Variants in TNKS observed in about 807,000 individuals in gnomAD.
The protein encoded by TNKS is tankyrase, also known as poly [ADP-ribose] polymerase tankyrase-1.
Under a neutral mutation model 135.8 loss-of-function variants are expected in TNKS, and 72 were observed. The observed-to-expected ratio is 0.53, with a 90% CI of 0.44 to 0.64. The LOEUF is 0.64. Among genes scored for constraint, TNKS ranks in the 30% least tolerant of loss-of-function variants. The pLI is 0.00. For synonymous variants in TNKS, 849 were observed against 649.3 expected (o/e 1.31, Z -4.68); for missense variants, 1,769 against 1,674.0 (o/e 1.06, Z -0.99).
At chr8:9,607,953 G>C (rs767895492) in intron 2 of TNKS, among the ~76,000 whole-genome samples, 1 of 151,852 alleles carries the variant, frequency 6.6e-6, no homozygotes, top group African/African-American at 2.4e-5. Flanking sequence ...TGTTATTTTA[G>C]TTTTAAGACA....
intron 24 of TNKS, 149 bp downstream of exon 24, chr8:9,765,946 C>G: frequency 1.5e-6 from 1 of 666,730 alleles, no homozygotes; most frequent in Non-Finnish European, 2.5e-6. Context: ...TTCTTGGTAC[C>G]AGCTTTCTAA....
intron 3 of TNKS, among the ~76,000 whole-genome samples, chr8:9,662,740 T>TAATA (rs1554463747): frequency 6.6e-6 from 1 of 152,108 alleles, no homozygotes; most frequent in Non-Finnish European, 1.5e-5. Context: ...AAACCTAAAG[T>TAATA]ATAATAATAA....
intron 8 of TNKS, among the ~76,000 whole-genome samples, chr8:9,707,897 T>C (rs1180081347): frequency 6.6e-6 from 1 of 152,214 alleles, no homozygotes; most frequent in African/African-American, 2.4e-5. Context: ...GGTGTACTTA[T>C]GGTGGCAATA....
At chr8:9,746,791 A>ATT (rs1442424892) in intron 17 of TNKS, among the ~76,000 whole-genome samples, 1 of 151,382 alleles carries the variant, frequency 6.6e-6, no homozygotes, top group East Asian at 1.9e-4. Flanking sequence ...TTTCTGACAA[A>ATT]CGATCTGCAC....
At chr8:9,758,823 A>G (rs746672544) in intron 20 of TNKS, among the ~76,000 whole-genome samples, 9 of 152,238 alleles carry the variant, frequency 5.9e-5, no homozygotes, top group Non-Finnish European at 1.3e-4. Context: ...TCAGCAGCTC[A>G]AAACAGCACA....
intron 2 of TNKS, among the ~76,000 whole-genome samples, chr8:9,609,584 A>C (rs1799370368): frequency 6.6e-6 from 1 of 152,246 alleles, no homozygotes; most frequent in South Asian, 2.1e-4. Flanking sequence ...GAACAATGAC[A>C]GCTTCCATAC....
chr8:9,706,975 G>A lies in TNKS; in HGVS notation c.1434G>A (p.Pro478=), dbSNP rs33944167. The A allele has an allele frequency of 0.072, 114,853 of 1,598,690 alleles. 4,856 individuals carry two copies. The highest frequency in any genetic ancestry group is 0.17 in the South Asian group (15,050 of 88,740). Residue 478 remains proline (P), a synonymous_variant, in exon 8 of 27, where the codon CCG becomes CCA. Coordinates refer to ENST00000310430, the MANE Select transcript of TNKS (RefSeq NM_003747.3). The part of the protein sequence containing the change: ...GKSAVDMAPT[P]ELRERLTYEF... The stretch of plus-strand genomic sequence containing the variant: ...GTGCTGTGGATATGGCTCCAACTCC[G>A]GAGCTTAGGGAGAGATTGACTTGTA...
chr8:9,703,099 A>G (rs752130633), intron 5 of TNKS, among the ~76,000 whole-genome samples: 2 of 152,164 alleles, frequency 1.3e-5, no homozygotes, highest in Non-Finnish European at 2.9e-5. Flanking sequence ...TCCTCGGGAG[A>G]TAACGTTTCA....
chr8:9,741,603 A>C, intron 17 of TNKS: 1 of 398,676 alleles, frequency 2.5e-6, no homozygotes, highest in South Asian at 2.0e-5. Flanking sequence ...TATAGCTGTC[A>C]CAGAGGATAA....
chr8:9,704,554 C>T (rs999298158), intron 5 of TNKS, 109 bp from the exon 6 acceptor site: 9 of 830,446 alleles, frequency 1.1e-5, no homozygotes, highest in African/African-American at 3.4e-5. Context: ...GACATTTCAG[C>T]GCAGTATTTT....
chr8:9,607,991 G>A (rs1799297653), intron 2 of TNKS, among the ~76,000 whole-genome samples: 1 of 151,958 alleles, frequency 6.6e-6, no homozygotes, highest in African/African-American at 2.4e-5. Context: ...TCAAGTTGGA[G>A]TGCAGTGGTG....
chr8:9,688,008 AAG>A (rs1803087695), intron 5 of TNKS, among the ~76,000 whole-genome samples: 1 of 152,210 alleles, frequency 6.6e-6, no homozygotes, highest in African/African-American at 2.4e-5. Flanking sequence ...GCAAAGGAAA[AAG>A]AGCAGGAAGA....
intron 2 of TNKS, among the ~76,000 whole-genome samples, chr8:9,613,806 G>A (rs1225397740): frequency 1.3e-5 from 2 of 152,194 alleles, no homozygotes; most frequent in African/African-American, 4.8e-5. Flanking sequence ...AAACAAGAAG[G>A]ATTGAGGTTT....
chr8:9,662,719 C>T (rs992174671), intron 3 of TNKS, among the ~76,000 whole-genome samples: 2 of 152,116 alleles, frequency 1.3e-5, no homozygotes, highest in East Asian at 1.9e-4. Flanking sequence ...ACGTTGTGCA[C>T]ATGTACCCTA....
intron 20 of TNKS, among the ~76,000 whole-genome samples, chr8:9,757,184 T>C (rs758577229): frequency 5.3e-5 from 8 of 151,714 alleles, no homozygotes; most frequent in Non-Finnish European, 1.2e-4. Context: ...ACCATGTTGG[T>C]CAGGCTGGTC....
intron 17 of TNKS, among the ~76,000 whole-genome samples, chr8:9,740,376 A>G (rs1406577229): frequency 6.6e-6 from 1 of 152,184 alleles, no homozygotes; most frequent in Admixed American, 6.5e-5. Flanking sequence ...CTGACAAACT[A>G]TAAATAAAAA....
chr8:9,764,050 CAGTT>C (rs1263178513), intron 22 of TNKS, among the ~76,000 whole-genome samples: 1 of 152,080 alleles, frequency 6.6e-6, no homozygotes, highest in African/African-American at 2.4e-5. Flanking sequence ...ATTCTCCTAG[CAGTT>C]AGTACATTTT....
At chr8:9,578,040 A>G (rs1798022645) in intron 1 of TNKS, among the ~76,000 whole-genome samples, 1 of 152,194 alleles carries the variant, frequency 6.6e-6, no homozygotes, top group Non-Finnish European at 1.5e-5. Flanking sequence ...AAGTTCCAAA[A>G]TAATCTCCCT....
At chr8:9,702,307 G>A (rs768177455) in intron 5 of TNKS, among the ~76,000 whole-genome samples, 12 of 151,312 alleles carry the variant, frequency 7.9e-5, no homozygotes, top group South Asian at 2.1e-4. Context: ...ATGCGTGTGC[G>A]TGCACACACA....
Sources: allele counts gnomAD v4.1 joint callset (sites outside exome capture counted in the v4.1 genomes callset), GRCh38; gene constraint gnomAD v4.1.1; transcripts MANE v1.5; gene names NCBI Gene and HGNC (gene_info 2026-07-23, HGNC 2026-07-21).